The following RNF169 variants were observed in gnomAD, a reference collection of about 807,000 sequenced individuals.
RNF169 encodes the protein ring finger protein 169.
A neutral mutation model predicts 53.9 loss-of-function variants in RNF169; 24 were observed. That is an observed-to-expected ratio of 0.45 (90% CI 0.32 to 0.63). RNF169 has a LOEUF of 0.63. RNF169 is among the 20% of genes least tolerant of loss of function. The probability of loss-of-function intolerance (pLI) is 0.04; values close to 1 mark genes in which losing one functional copy is unlikely to be tolerated. For synonymous variants in RNF169, 396 were observed against 363.5 expected (o/e 1.09, Z -1.02); for missense variants, 883 against 906.2 (o/e 0.97, Z 0.33).
chr11:74,836,258 G>A lies in RNF169; in HGVS notation c.1655G>A (p.Gly552Glu). Residue 552 changes from glycine to glutamate, a missense_variant, in exon 6 of 6, where the codon GGG (glycine) becomes GAG (glutamate). By Grantham distance (98) the Gly-to-Glu change is moderately conservative. This residue lies in a region of RNF169 where 351 missense variants were observed against 337.3 expected (regional missense o/e 1.04). Transcript: ENST00000299563. ...SLEREQFEGL[G>E]STPDAKLDKT... ...GAGAGGGAGCAGTTTGAGGGGTTAG[G>A]GTCAACTCCAGATGCCAAGTTAGAC... 1 of 1,614,080 alleles carries A rather than the reference G, an allele frequency of 6.2e-7. No individual in the cohort carries two copies. Among genetic ancestry groups the A allele is most frequent in the Non-Finnish European group, 8.5e-7 (1 of 1,180,018 alleles).
intron 4 of RNF169, among the ~76,000 whole-genome samples, chr11:74,829,115 C>T (rs2036139385): frequency 6.6e-6 from 1 of 152,170 alleles, no homozygotes; most frequent in South Asian, 2.1e-4. Flanking sequence ...GTCTAACATT[C>T]AGCATCTACA....
At chr11:74,801,150 T>C (rs1565180686) in intron 2 of RNF169, among the ~76,000 whole-genome samples, 1 of 152,188 alleles carries the variant, frequency 6.6e-6, no homozygotes. Context: ...TGTGATTTCT[T>C]TAAAATTAGG....
Position 74,764,791 on chromosome 11 carries a change from A to C in RNF169, c.502+15409A>C, listed in dbSNP as rs929298125. ...GGTAAAACTAAAATACTAGGCAAAGATAAAATGTAAGCGGGGAGAAAAGTG... is the reference window on the plus strand; with the variant it reads ...GGTAAAACTAAAATACTAGGCAAAGCTAAAATGTAAGCGGGGAGAAAAGTG... On this transcript the variant is annotated intron_variant, in intron 1 of 5. Coordinates refer to ENST00000299563, the MANE Select transcript of RNF169 (RefSeq NM_001098638.2). 3.3e-5 allele frequency among the ~76,000 whole-genome samples: 5 copies of C among 152,226 alleles called. No individual in the cohort carries two copies. The South Asian group carries it at 1.0e-3, about 31-fold the overall frequency.
Position 74,836,002 on chromosome 11 carries a change from G to C in RNF169, c.1399G>C (p.Glu467Gln). 6.2e-7 allele frequency: 1 copy of C among 1,614,196 alleles called. No individual in the cohort carries two copies. The highest frequency in any genetic ancestry group is 8.5e-7 in the Non-Finnish European group (1 of 1,180,040). The change falls in exon 6 of 6, where the codon GAA becomes CAA. Residue 467 changes from glutamate to glutamine, a missense_variant. Glu to Gln is a conservative substitution (Grantham distance 29). Around this residue, in one of 3 missense-constraint regions of RNF169, gnomAD observed 351 missense variants for 337.3 expected, o/e 1.04. Transcript: ENST00000299563. ...PEMGEELLGS[E>Q]GIHSSKEKPL... is the part of the protein sequence containing the mutation. Reference sequence around the variant, plus strand: ...AATGGGGGAAGAGTTACTAGGCTCTGAAGGTATCCATTCTAGCAAGGAGAA... The same window carrying C: ...AATGGGGGAAGAGTTACTAGGCTCTCAAGGTATCCATTCTAGCAAGGAGAA...
chr11:74,801,904 C>A (rs1351634475), intron 2 of RNF169, among the ~76,000 whole-genome samples: 2 of 152,176 alleles, frequency 1.3e-5, no homozygotes, highest in African/African-American at 2.4e-5. Flanking sequence ...AATGTAGGGT[C>A]CCAGTTTGAG....
rs2036277565 is a variant in RNF169, at chr11:74,837,646, A to G, written c.*916A>G. On this transcript the variant is annotated 3_prime_UTR_variant, in exon 6 of 6. Coordinates refer to ENST00000299563, the MANE Select transcript of RNF169 (RefSeq NM_001098638.2). Reference sequence around the variant, plus strand: ...TTTTCTGGGGGTTTCAGCCTATGAGACAAACTATAATCAGGCTTCATTATT... The same window carrying G: ...TTTTCTGGGGGTTTCAGCCTATGAGGCAAACTATAATCAGGCTTCATTATT... The G allele has an allele frequency of 6.6e-6, 1 of 152,224 alleles. No homozygotes were observed. The highest frequency in any genetic ancestry group is 2.4e-5 in the African/African-American group (1 of 41,458). The allele number at this position is 152,224 out of a possible 1,614,324, so 9.4% of individuals were successfully genotyped here.
intron 4 of RNF169, chr11:74,830,872 G>A (rs1472004620): frequency 6.6e-6 from 1 of 152,010 alleles, no homozygotes; most frequent in East Asian, 1.9e-4. Flanking sequence ...TTCAGCATAC[G>A]AAGATCAATG....
At position 74,825,648 on chromosome 11, in the gene RNF169, A is replaced by G. The variant is rs183346814; in HGVS notation, c.842+7934A>G. On this transcript the variant is annotated intron_variant, in intron 4 of 5. Transcript: ENST00000299563. ...GAGGGACTCCTCCCTAACTCATTCT[A>G]TAAGGCCTGCATCATCCTGATACCA... 3.8e-3 allele frequency among the ~76,000 whole-genome samples: 573 copies of G among 152,332 alleles called. 3 individuals are homozygous for G. Among genetic ancestry groups the G allele is most frequent in the African/African-American group, 0.013 (539 of 41,570 alleles).
intron 4 of RNF169, among the ~76,000 whole-genome samples, chr11:74,823,164 G>A (rs1314833469): frequency 6.6e-6 from 1 of 152,116 alleles, no homozygotes; most frequent in Non-Finnish European, 1.5e-5. Context: ...GTGACTGTTA[G>A]TGTCCACATT....
intron 1 of RNF169, among the ~76,000 whole-genome samples, chr11:74,784,474 T>A (rs2035460126): frequency 2.0e-5 from 3 of 152,174 alleles, no homozygotes; most frequent in Non-Finnish European, 4.4e-5. Flanking sequence ...AGAAGGTGTG[T>A]GGGACAAAGT....
chr11:74,805,498 G>A (rs1053250377), intron 2 of RNF169, among the ~76,000 whole-genome samples: 4 of 152,094 alleles, frequency 2.6e-5, no homozygotes, highest in Admixed American at 1.3e-4. Context: ...TTCCATATGT[G>A]TCATATTATA....
chr11:74,806,465 C>T (rs1215040329), intron 2 of RNF169, among the ~76,000 whole-genome samples: 1 of 152,132 alleles, frequency 6.6e-6, no homozygotes, highest in Non-Finnish European at 1.5e-5. Context: ...AAGATACACT[C>T]CAGAGAACAG....
At chr11:74,768,356 C>T (rs2035206560) in intron 1 of RNF169, among the ~76,000 whole-genome samples, 1 of 152,120 alleles carries the variant, frequency 6.6e-6, no homozygotes, top group Non-Finnish European at 1.5e-5. Context: ...CCTGTAATCC[C>T]AGCACTTCAG....
At chr11:74,816,820 A>G (rs2035946817) in intron 3 of RNF169, among the ~76,000 whole-genome samples, 1 of 152,208 alleles carries the variant, frequency 6.6e-6, no homozygotes, top group Non-Finnish European at 1.5e-5. Context: ...AAACAAGGTT[A>G]AGTCTAGTTT....
At chr11:74,801,648 T>G (rs937837567) in intron 2 of RNF169, among the ~76,000 whole-genome samples, 1 of 152,192 alleles carries the variant, frequency 6.6e-6, no homozygotes, top group African/African-American at 2.4e-5. Context: ...GCCTACTTAT[T>G]AATATGGTGA....
At chr11:74,805,550 AT>A (rs1302082886) in intron 2 of RNF169, among the ~76,000 whole-genome samples, 1 of 152,362 alleles carries the variant, frequency 6.6e-6, no homozygotes, top group Non-Finnish European at 1.5e-5. Context: ...AATATAAAAA[AT>A]GAATTCTAAG....
chr11:74,778,404 G>A (rs978296497), intron 1 of RNF169, among the ~76,000 whole-genome samples: 52 of 151,980 alleles, frequency 3.4e-4, no homozygotes, highest in African/African-American at 1.2e-3. Context: ...TTATGTCACT[G>A]TTTCTTTTTC....
In RNF169 at chr11:74,749,135, C is replaced by T; in HGVS notation, c.255C>T (p.His85=). Residue 85 remains histidine, a synonymous_variant, in exon 1 of 6, where the codon CAC becomes CAT. Transcript: ENST00000299563. ...PGEAAALPCG[H]SLCRGCAQRA... ...AAGCAGCGGCCCTGCCGTGCGGCCA[C>T]TCGCTTTGCCGAGGCTGCGCCCAAC... 7.5e-7 allele frequency: 1 copy of T among 1,330,998 alleles called. No homozygotes were observed. Among genetic ancestry groups the T allele is most frequent in the East Asian group, 3.1e-5 (1 of 32,148 alleles). 82.4% of individuals were successfully genotyped at this position (1,330,998 alleles called of 1,614,324 possible).
At chr11:74,770,972 AT>A (rs1187273624) in intron 1 of RNF169, among the ~76,000 whole-genome samples, 1 of 151,598 alleles carries the variant, frequency 6.6e-6, no homozygotes, top group Non-Finnish European at 1.5e-5. Flanking sequence ...TGTCTGGCTA[AT>A]TTTTTTTATT....
Sources: gnomAD v4.1 joint callset for allele counts (sites outside exome capture counted in the v4.1 genomes callset) on GRCh38, gnomAD v4.1.1 for gene constraint, gnomAD v4.1.1 regional missense constraint, MANE v1.5 for transcripts, NCBI Gene and HGNC (gene_info 2026-07-23, HGNC 2026-07-21) for gene names.